Variants in ARPP21 observed in about 807,000 individuals in gnomAD.
ARPP21 encodes cAMP regulated phosphoprotein 21, also known as cAMP-regulated phosphoprotein 21.
A neutral mutation model predicts 113.2 loss-of-function variants in ARPP21; 69 were observed. That is an observed-to-expected ratio of 0.61 (90% CI 0.50 to 0.74). ARPP21 has a LOEUF of 0.74. Among genes scored for constraint, ARPP21 ranks in the 30% least tolerant of loss-of-function variants. The pLI is 0.00. For missense variants in ARPP21, 1,070 were observed against 1,037.4 expected (o/e 1.03, Z -0.43); for synonymous variants, 368 against 375.5 (o/e 0.98, Z 0.23).
At chr3:35,689,985 CA>C in intron 7 of ARPP21, 95 bp from the exon 8 acceptor site, 1 of 687,000 alleles carries the variant, frequency 1.5e-6, no homozygotes. Flanking sequence ...TAGCAGCATA[CA>C]TTTAAGTAAT....
Position 35,667,963 on chromosome 3 carries a change from GA to G in ARPP21, c.-212-11822del, listed in dbSNP as rs1559549073. Among the ~76,000 whole-genome samples the G allele has an allele frequency of 1.5e-4, 13 of 84,270 alleles. No homozygotes were observed. In the East Asian group the frequency reaches 2.8e-3, roughly 18 times the overall value. The allele number at this position is 84,270 out of a possible 152,430, so 55.3% of individuals were successfully genotyped here. A position where few individuals can be genotyped will look rare whatever the true frequency, so the allele number is the denominator to read the frequency against. On this transcript the variant is annotated intron_variant, in intron 1 of 20. Coordinates refer to ENST00000684406, the MANE Select transcript of ARPP21 (RefSeq NM_001385562.1). ...GAGAAGAAGAAAAGAAGAAGAAGAA[GA>G]AGAAGAAGAAGAAGAAGAAGAAGAA...
intron 19 of ARPP21, among the ~76,000 whole-genome samples, chr3:35,767,794 C>T (rs1237135887): frequency 6.6e-6 from 1 of 152,024 alleles, no homozygotes; most frequent in East Asian, 1.9e-4. Flanking sequence ...ACCTCCTCTT[C>T]ATGCCTGACT....
chr3:35,672,136 T>C (rs372999671), intron 1 of ARPP21, among the ~76,000 whole-genome samples: 2 of 152,116 alleles, frequency 1.3e-5, no homozygotes, highest in East Asian at 1.9e-4. Context: ...TATGCTTCAG[T>C]CCTCTGAGTT....
intron 9 of ARPP21, among the ~76,000 whole-genome samples, chr3:35,703,455 C>T (rs1213661560): frequency 6.6e-6 from 1 of 151,896 alleles, no homozygotes; most frequent in African/African-American, 2.4e-5. Flanking sequence ...AATGCCAGTG[C>T]TCTTCACTAT....
chr3:35,684,882 T>C (rs2080090593), intron 5 of ARPP21: 1 of 985,278 alleles, frequency 1.0e-6, no homozygotes, highest in African/African-American at 1.7e-5. Context: ...GCCATTACTA[T>C]GTTTCGTACA....
chr3:35,709,961 G>C (rs750183093), intron 11 of ARPP21, among the ~76,000 whole-genome samples: 1 of 152,324 alleles, frequency 6.6e-6, no homozygotes, highest in South Asian at 2.1e-4. Context: ...GTAGGCTTCA[G>C]TGCTTAGCTT....
chr3:35,744,614 A>C (rs921855746), intron 19 of ARPP21: 1 of 463,950 alleles, frequency 2.2e-6, no homozygotes, highest in African/African-American at 2.0e-5. Context: ...GACAGGGCTG[A>C]GTGGCTTGTG....
At chr3:35,742,996 T>C (rs2094768821) in intron 18 of ARPP21, among the ~76,000 whole-genome samples, 1 of 152,248 alleles carries the variant, frequency 6.6e-6, no homozygotes, top group Non-Finnish European at 1.5e-5. Context: ...ATCAGAATAA[T>C]TTTATTCATT....
chr3:35,657,395 T>C (rs773247629), intron 1 of ARPP21, among the ~76,000 whole-genome samples: 1 of 152,128 alleles, frequency 6.6e-6, no homozygotes, highest in Non-Finnish European at 1.5e-5. Flanking sequence ...AATTGGCAGT[T>C]TAATTCTAGC....
chr3:35,659,621 A>G (rs1706733650), intron 1 of ARPP21, among the ~76,000 whole-genome samples: 1 of 152,164 alleles, frequency 6.6e-6, no homozygotes, highest in South Asian at 2.1e-4. Flanking sequence ...GTAGCCTGAT[A>G]GAGACATCAA....
intron 15 of ARPP21, among the ~76,000 whole-genome samples, chr3:35,735,330 C>T (rs2094280518): frequency 6.6e-6 from 1 of 152,074 alleles, no homozygotes; most frequent in South Asian, 2.1e-4. Context: ...CCAGGCTGGT[C>T]TTGAACTTCT....
chr3:35,707,623 C>G, intron 10 of ARPP21: 1 of 436,418 alleles, frequency 2.3e-6, no homozygotes, highest in Non-Finnish European at 4.7e-6. Context: ...TCTTTTATCC[C>G]CTCTCCTTCC....
chr3:35,696,843 A>C (rs1165535019), intron 9 of ARPP21, among the ~76,000 whole-genome samples: 2 of 151,578 alleles, frequency 1.3e-5, no homozygotes, highest in Non-Finnish European at 3.0e-5. Flanking sequence ...CTATATAAGA[A>C]ATTTTGCCCT....
chr3:35,792,277 G>T (rs184689610), intron 19 of ARPP21, 105 bp from the exon 20 acceptor site: 5 of 889,858 alleles, frequency 5.6e-6, no homozygotes, highest in Middle Eastern at 2.8e-4. Flanking sequence ...TGAATGTGGA[G>T]ACTGAGATGT....
At chr3:35,689,221 G>A (rs1241201542) in intron 6 of ARPP21, 86 bp from the exon 7 acceptor site, 8 of 748,318 alleles carry the variant, frequency 1.1e-5, no homozygotes, top group African/African-American at 3.5e-5. Flanking sequence ...ATCTGAGCAG[G>A]GGGAAACAGG....
intron 9 of ARPP21, among the ~76,000 whole-genome samples, chr3:35,697,204 T>A (rs2084392897): frequency 6.6e-6 from 1 of 151,624 alleles, no homozygotes; most frequent in Admixed American, 6.6e-5. Context: ...CCACCCACTG[T>A]CATTGCCTCA....
At chr3:35,710,457 T>G (rs2090703815) in intron 11 of ARPP21, among the ~76,000 whole-genome samples, 1 of 151,912 alleles carries the variant, frequency 6.6e-6, no homozygotes, top group African/African-American at 2.4e-5. Context: ...CTGAAGACCT[T>G]CATAGAGCTT....
chr3:35,702,965 A>G (rs2087039148), intron 9 of ARPP21, among the ~76,000 whole-genome samples: 1 of 151,826 alleles, frequency 6.6e-6, no homozygotes, highest in Admixed American at 6.6e-5. Context: ...GGTGTCTTAC[A>G]CCATCAAAAT....
rs189940991 is a variant in ARPP21, at chr3:35,789,254, C to A, written c.2138-3128C>A. ...ATCTCTGCCTTCGGGTGTGTTGTGT[C>A]CCAGGCAGGCACTGTCGGTTCATTC... On this transcript the variant is annotated intron_variant, in intron 19 of 20. Coordinates refer to ENST00000684406, the MANE Select transcript of ARPP21 (RefSeq NM_001385562.1). 2.6e-5 allele frequency among the ~76,000 whole-genome samples: 4 copies of A among 152,314 alleles called. No homozygotes were observed. In the East Asian group the frequency reaches 7.7e-4, roughly 29 times the overall value.
Sources: gnomAD v4.1 joint callset for allele counts (sites outside exome capture counted in the v4.1 genomes callset) on GRCh38, gnomAD v4.1.1 for gene constraint, MANE v1.5 for transcripts, NCBI Gene and HGNC (gene_info 2026-07-23, HGNC 2026-07-21) for gene names.